The following KCNN3 variants were observed in gnomAD, a reference collection of about 807,000 sequenced individuals.
The protein encoded by KCNN3 is small conductance calcium-activated potassium channel protein 3.
A neutral mutation model predicts 62.9 loss-of-function variants in KCNN3; 16 were observed. That is an observed-to-expected ratio of 0.25 (90% confidence interval 0.17 to 0.39). The LOEUF is 0.39. KCNN3 is among the 10% of genes least tolerant of loss of function. The pLI is 1.00. For synonymous variants in KCNN3, 370 were observed against 389.2 expected, an observed-to-expected ratio of 0.95 and a Z score of 0.58; for missense variants, 599 against 949.4, an observed-to-expected ratio of 0.63 and a Z score of 4.85.
rs1051427906 is a variant in KCNN3, at chr1:154,699,166, A to AACC, written c.*8807_*8809dup. 2 of 151,470 alleles carry AACC rather than the reference A, an allele frequency of 1.3e-5. No individual in the cohort carries two copies. Among genetic ancestry groups the AACC allele is most frequent in the African/African-American group, 4.9e-5 (2 of 41,182 alleles). 9.4% of individuals were successfully genotyped at this position (151,470 alleles called of 1,614,324 possible). A position where few individuals can be genotyped will look rare whatever the true frequency, so the allele number is the denominator to read the frequency against. On this transcript the variant is annotated 3_prime_UTR_variant, in exon 8 of 8. Coordinates refer to ENST00000271915, the MANE Select transcript of KCNN3 (RefSeq NM_002249.6). ...GAAAGTTTACCGTAACTCCATTCAA[A>AACC]ACCTTCAGGCACTTGACTTTTTTTT...
At chr1:154,850,484 C>T (rs1198319973) in intron 1 of KCNN3, among the ~76,000 whole-genome samples, 1 of 152,210 alleles carries the variant, frequency 6.6e-6, no homozygotes, top group Non-Finnish European at 1.5e-5. Flanking sequence ...ATACCTGCTG[C>T]CTTTCCCCAC....
rs912174337 is a variant in KCNN3 at position 154,870,150 on chromosome 1, C to A, written c.-186G>T. On this transcript the variant is annotated 5_prime_UTR_variant, in exon 1 of 8. An upstream start codon of the reference 5' UTR is lost. Coordinates refer to ENST00000271915, the MANE Select transcript of KCNN3 (RefSeq NM_002249.6). ...GTCCAGACGCTGCCACTCAAGAATG[C>A]ATTGTATTGGGCAGGGAGGGAGAGC... The A allele has an allele frequency of 5.1e-5, 38 of 742,696 alleles. No homozygotes were observed. Among genetic ancestry groups the A allele is most frequent in the Non-Finnish European group, 8.5e-5 (35 of 411,754 alleles). The allele number at this position is 742,696 out of a possible 1,614,324, so 46.0% of individuals were successfully genotyped here.
chr1:154,848,259 C>T (rs574581040), intron 1 of KCNN3, among the ~76,000 whole-genome samples: 2 of 152,106 alleles, frequency 1.3e-5, no homozygotes, highest in Non-Finnish European at 2.9e-5. Flanking sequence ...ACAGTCACTT[C>T]GAGCCTCACA....
chr1:154,863,380 C>T (rs1237214454), intron 1 of KCNN3, among the ~76,000 whole-genome samples: 1 of 152,226 alleles, frequency 6.6e-6, no homozygotes. Flanking sequence ...AGGTGCCTTG[C>T]TTTCTTGCTC....
At chr1:154,791,886 G>A (rs1309395344) in intron 2 of KCNN3, among the ~76,000 whole-genome samples, 1 of 152,220 alleles carries the variant, frequency 6.6e-6, no homozygotes, top group Non-Finnish European at 1.5e-5. Flanking sequence ...TTTGGGCATT[G>A]TGCCAGGCCC....
rs568746481 is a variant in KCNN3 at position 154,844,819 on chromosome 1, A to G, written c.934-22635T>C. 5.3e-5 allele frequency among the ~76,000 whole-genome samples: 8 copies of G among 152,178 alleles called. No individual in the cohort carries two copies. The South Asian group carries it at 1.7e-3, about 32-fold the overall frequency. ...TCAGGAGTTCAAGACCAGCCTGACC[A>G]ACATAGTGAAACCCCGCCTCTACTA... On this transcript the variant is annotated intron_variant, in intron 1 of 7. Coordinates refer to ENST00000271915, the MANE Select transcript of KCNN3 (RefSeq NM_002249.6).
intron 1 of KCNN3, among the ~76,000 whole-genome samples, chr1:154,860,440 T>C (rs1652724525): frequency 6.6e-6 from 1 of 152,112 alleles, no homozygotes; most frequent in Non-Finnish European, 1.5e-5. Context: ...GATTTGCATG[T>C]CCACACCCGG....
chr1:154,727,724 G>T (rs147760431), intron 4 of KCNN3, among the ~76,000 whole-genome samples: 107 of 152,312 alleles, frequency 7.0e-4, no homozygotes, highest in African/African-American at 2.5e-3. Context: ...ATTTTCAAAG[G>T]ATCTGGGCAG....
chr1:154,737,891 C>G (rs1192864998), intron 3 of KCNN3, among the ~76,000 whole-genome samples: 1 of 152,174 alleles, frequency 6.6e-6, no homozygotes, highest in African/African-American at 2.4e-5. Flanking sequence ...CCCTGCACTT[C>G]AGCCTGGGGA....
chr1:154,716,432 C>A (rs1700234565), intron 5 of KCNN3, among the ~76,000 whole-genome samples: 1 of 152,196 alleles, frequency 6.6e-6, no homozygotes, highest in Admixed American at 6.5e-5. Flanking sequence ...AGAATATAGA[C>A]CTGCTTCTTC....
chr1:154,822,914 G>C (rs1009035426), intron 1 of KCNN3, among the ~76,000 whole-genome samples: 3 of 152,210 alleles, frequency 2.0e-5, no homozygotes, highest in Non-Finnish European at 2.9e-5. Flanking sequence ...GTGGTTAAGG[G>C]CATGACCTCC....
chr1:154,803,962 G>A (rs1490834663), intron 2 of KCNN3, among the ~76,000 whole-genome samples: 1 of 152,198 alleles, frequency 6.6e-6, no homozygotes, highest in East Asian at 1.9e-4. Flanking sequence ...GCCTGTGTGG[G>A]CTTTTAAGAC....
intron 3 of KCNN3, among the ~76,000 whole-genome samples, chr1:154,741,874 G>A (rs528446872): frequency 5.3e-5 from 8 of 152,316 alleles, no homozygotes; most frequent in Non-Finnish European, 7.3e-5. Context: ...CTTGCCTTCC[G>A]GTCAATCTTC....
intron 3 of KCNN3, among the ~76,000 whole-genome samples, chr1:154,771,530 T>C (rs1470742155): frequency 6.6e-6 from 1 of 152,166 alleles, no homozygotes; most frequent in Non-Finnish European, 1.5e-5. Context: ...GTACCAATAG[T>C]GCTTTATAAT....
At chr1:154,867,869 C>G (rs1430489171) in intron 1 of KCNN3, 1 of 813,058 alleles carries the variant, frequency 1.2e-6, no homozygotes, top group Non-Finnish European at 1.5e-6. Flanking sequence ...AGCCACTTGT[C>G]CACCGATTCC....
chr1:154,859,401 C>T (rs1413358955), intron 1 of KCNN3, among the ~76,000 whole-genome samples: 2 of 152,216 alleles, frequency 1.3e-5, no homozygotes, highest in Non-Finnish European at 2.9e-5. Flanking sequence ...CCAGGCTGGC[C>T]ACTTGACCAA....
chr1:154,780,411 C>T (rs947293769), intron 2 of KCNN3, among the ~76,000 whole-genome samples: 1 of 150,442 alleles, frequency 6.6e-6, no homozygotes, highest in African/African-American at 2.4e-5. Flanking sequence ...TCTTGCACAA[C>T]TGTGAATTTC....
intron 1 of KCNN3, among the ~76,000 whole-genome samples, chr1:154,834,575 C>A (rs567882373): frequency 1.3e-5 from 2 of 152,330 alleles, no homozygotes; most frequent in East Asian, 3.9e-4. Flanking sequence ...GCAGAAGGAT[C>A]TCCATGGTTC....
intron 1 of KCNN3, among the ~76,000 whole-genome samples, chr1:154,863,381 T>A (rs1283939090): frequency 1.3e-5 from 2 of 152,208 alleles, no homozygotes; most frequent in Non-Finnish European, 2.9e-5. Flanking sequence ...GGTGCCTTGC[T>A]TTCTTGCTCT....
Sources: gnomAD v4.1 joint callset for allele counts (sites outside exome capture counted in the v4.1 genomes callset) on GRCh38, gnomAD v4.1.1 for gene constraint, MANE v1.5 for transcripts, NCBI Gene and HGNC (gene_info 2026-07-23, HGNC 2026-07-21) for gene names.